Variants in SLC39A14 observed in about 807,000 individuals in gnomAD.
The protein encoded by SLC39A14 is metal cation symporter ZIP14.
Under a neutral mutation model 45.5 loss-of-function variants are expected in SLC39A14, and 19 were observed. That is an observed-to-expected ratio of 0.42 (90% confidence interval 0.29 to 0.61). SLC39A14 has a LOEUF of 0.61. Ranked by LOEUF, SLC39A14 falls within the 20% of genes least tolerant of loss-of-function variation. The pLI is 0.22. For missense variants in SLC39A14, 447 were observed against 616.5 expected, an observed-to-expected ratio of 0.73 and a Z score of 2.91; for synonymous variants, 264 against 251.3, an observed-to-expected ratio of 1.05 and a Z score of -0.48.
chr8:22,381,096 C>T (rs1024731688), intron 1 of SLC39A14, among the ~76,000 whole-genome samples: 6 of 151,298 alleles, frequency 4.0e-5, no homozygotes, highest in Admixed American at 3.9e-4. Flanking sequence ...GCCTCAGCCT[C>T]CGAAGTAGCT....
downstream of SLC39A14, among the ~76,000 whole-genome samples, chr8:22,423,087 G>A (rs1038256722): frequency 2.0e-5 from 3 of 152,150 alleles, no homozygotes; most frequent in East Asian, 1.9e-4. Flanking sequence ...GCCTCCCAAA[G>A]TCTTGGGATT....
chr8:22,390,269 A>C (rs1833995409), intron 1 of SLC39A14: 1 of 152,062 alleles, frequency 6.6e-6, no homozygotes, highest in African/African-American at 2.4e-5. Context: ...TGGTCAAAGG[A>C]ACAACTCCAT....
intron 1 of SLC39A14, among the ~76,000 whole-genome samples, chr8:22,403,657 G>A (rs1027185827): frequency 6.6e-6 from 1 of 151,560 alleles, no homozygotes; most frequent in East Asian, 2.0e-4. Flanking sequence ...AGTGGCTCAT[G>A]CCTATAATCC....
intron 1 of SLC39A14, among the ~76,000 whole-genome samples, chr8:22,382,137 G>C (rs982127540): frequency 6.6e-6 from 1 of 151,944 alleles, no homozygotes; most frequent in Non-Finnish European, 1.5e-5. Flanking sequence ...GTGAGACTCT[G>C]TCTCAAAAAC....
intron 1 of SLC39A14, among the ~76,000 whole-genome samples, chr8:22,401,784 C>G (rs1051898159): frequency 5.3e-5 from 8 of 152,000 alleles, no homozygotes; most frequent in Non-Finnish European, 8.8e-5. Context: ...GATCTGCTGG[C>G]CTTGGTCTCC....
At chr8:22,415,095 A>G (rs1373956506) in intron 5 of SLC39A14, 193 bp downstream of exon 5, 2 of 612,504 alleles carry the variant, frequency 3.3e-6, no homozygotes, top group Admixed American at 6.9e-5. Context: ...CAGACCAGAA[A>G]CTAGATCTGG....
intron 1 of SLC39A14, chr8:22,398,641 C>G (rs1198067014): frequency 1.2e-6 from 1 of 866,098 alleles, no homozygotes; most frequent in Non-Finnish European, 1.4e-6. Flanking sequence ...TGCCCAACCT[C>G]TAGACCCAGC....
intron 2 of SLC39A14, among the ~76,000 whole-genome samples, chr8:22,406,216 A>G (rs1023345760): frequency 6.6e-6 from 1 of 152,200 alleles, no homozygotes; most frequent in African/African-American, 2.4e-5. Flanking sequence ...TGGGAGGCCT[A>G]GGCAGGCAGA....
intron 1 of SLC39A14, among the ~76,000 whole-genome samples, chr8:22,397,771 G>T (rs7819682): frequency 6.6e-6 from 1 of 152,192 alleles, no homozygotes; most frequent in Non-Finnish European, 1.5e-5. Flanking sequence ...GCTAGCTGGA[G>T]ATACATTTCT....
chr8:22,413,705 C>T (rs540252408), intron 4 of SLC39A14, among the ~76,000 whole-genome samples: 3 of 152,036 alleles, frequency 2.0e-5, no homozygotes, highest in East Asian at 1.9e-4. Context: ...AGGAACAACC[C>T]GGTAAATATA....
At position 22,416,286 on chromosome 8, in the gene SLC39A14, C is replaced by T. The variant is rs757869609; in HGVS notation, c.1147+6C>T. 7.4e-6 allele frequency: 12 copies of T among 1,611,864 alleles called. No homozygotes were observed. Among genetic ancestry groups the T allele is most frequent in the South Asian group, 1.1e-5 (1 of 90,990 alleles). ...GGAGTTCCCACATGAGCTAGGTAAG[C>T]GTGCGTCCCCCGTTCCACTGGTGCT... On this transcript the variant is annotated splice_donor_region_variant and intron_variant, in intron 7 of 8. Transcript: ENST00000381237.
rs147721450 is a variant in SLC39A14 at position 22,408,023 on chromosome 8, T to C, written c.271-287T>C. ...TGCCCTGCCACTTTGGTGACAATGA[T>C]TGGAATCTTGTCATTCCCAAAGTTT... On this transcript the variant is annotated intron_variant, in intron 2 of 8. Coordinates refer to ENST00000381237, the MANE Select transcript of SLC39A14 (RefSeq NM_001128431.4). 7.2e-3 allele frequency among the ~76,000 whole-genome samples: 1,101 copies of C among 152,336 alleles called. 10 individuals carry two copies. The highest frequency in any genetic ancestry group is 0.025 in the African/African-American group (1,038 of 41,576).
At chr8:22,395,499 C>G (rs1834335327) in intron 1 of SLC39A14, among the ~76,000 whole-genome samples, 1 of 152,220 alleles carries the variant, frequency 6.6e-6, no homozygotes, top group Non-Finnish European at 1.5e-5. Context: ...ATATCCTGCT[C>G]AAGGTCATCG....
intron 1 of SLC39A14, among the ~76,000 whole-genome samples, chr8:22,403,256 A>G (rs1281181793): frequency 1.3e-5 from 2 of 151,400 alleles, no homozygotes; most frequent in Non-Finnish European, 2.9e-5. Context: ...GATTACAGGC[A>G]TGAGCCACTG....
chr8:22,433,994 C>T (rs551806986), exon 9 of SLC39A14: 91 of 392,794 alleles, frequency 2.3e-4, no homozygotes, highest in Non-Finnish European at 3.9e-4. Flanking sequence ...CTAAGCCTCC[C>T]GAGTAACTGA....
At chr8:22,386,301 C>G (rs1364228919) in intron 1 of SLC39A14, among the ~76,000 whole-genome samples, 1 of 144,796 alleles carries the variant, frequency 6.9e-6, no homozygotes, top group East Asian at 2.0e-4. Flanking sequence ...GAGTTTTGCT[C>G]TGTTGCCCAG....
At chr8:22,381,697 T>C (rs1165268415) in intron 1 of SLC39A14, among the ~76,000 whole-genome samples, 15 of 152,258 alleles carry the variant, frequency 9.9e-5, no homozygotes, top group Non-Finnish European at 4.4e-5. Flanking sequence ...TATTTGACTT[T>C]ACCTCTTTAA....
intron 1 of SLC39A14, among the ~76,000 whole-genome samples, chr8:22,383,037 C>T (rs898503461): frequency 4.6e-5 from 7 of 152,014 alleles, no homozygotes; most frequent in Non-Finnish European, 1.0e-4. Context: ...TTCTTTTAGC[C>T]TGAGGATAGG....
intron 1 of SLC39A14, among the ~76,000 whole-genome samples, chr8:22,378,360 G>T (rs898903885): frequency 2.0e-5 from 3 of 152,206 alleles, no homozygotes; most frequent in African/African-American, 7.2e-5. Flanking sequence ...ATTGCTGGGG[G>T]TCCTAGAAGA....
Sources: allele counts gnomAD v4.1 joint callset (sites outside exome capture counted in the v4.1 genomes callset), GRCh38; gene constraint gnomAD v4.1.1; transcripts MANE v1.5; gene names NCBI Gene and HGNC (gene_info 2026-07-23, HGNC 2026-07-21).